The following RPS6KC1 variants were observed in gnomAD, a reference collection of about 807,000 sequenced individuals.
The protein encoded by RPS6KC1 is inactive ribosomal protein S6 kinase delta-1.
In RPS6KC1, 54 loss-of-function variants were observed where a neutral mutation model predicts 103.8. The observed-to-expected ratio is 0.52, with a 90% CI of 0.42 to 0.65. The LOEUF (loss-of-function observed/expected upper bound fraction) is 0.65, where lower values mean the gene tolerates loss of function less well. Ranked by LOEUF, RPS6KC1 falls within the 30% of genes least tolerant of loss-of-function variation. The pLI is 0.00. For missense variants in RPS6KC1, 1,151 were observed against 1,253.8 expected, an observed-to-expected ratio of 0.92 and a Z score of 1.24; for synonymous variants, 439 against 438.7, an observed-to-expected ratio of 1.00 and a Z score of -0.01.
intron 8 of RPS6KC1, chr1:213,205,272 G>A: frequency 1.0e-6 from 1 of 984,850 alleles, no homozygotes. Context: ...GAGATGTTCT[G>A]CTGAAGACAA....
chr1:213,390,672 A>C, the RPS6KC1 span, among the ~76,000 whole-genome samples: 8 of 152,098 alleles, frequency 5.3e-5, no homozygotes, highest in Non-Finnish European at 1.2e-4. Context: ...TGGTGCATCT[A>C]CCCATCTGGT....
At chr1:213,783,733 A>C in the RPS6KC1 span, among the ~76,000 whole-genome samples, 1 of 150,294 alleles carries the variant, frequency 6.7e-6, no homozygotes, top group Non-Finnish European at 1.5e-5. Flanking sequence ...TCCACTTAAT[A>C]ACAGCTTTGA....
chr1:213,389,632 G>A, the RPS6KC1 span, among the ~76,000 whole-genome samples: 1 of 152,204 alleles, frequency 6.6e-6, no homozygotes, highest in Non-Finnish European at 1.5e-5. Context: ...AGGTCCCCAT[G>A]TGCTCTGAGT....
the RPS6KC1 span, among the ~76,000 whole-genome samples, chr1:213,611,796 T>G: frequency 8.5e-5 from 13 of 152,222 alleles, no homozygotes; most frequent in African/African-American, 3.1e-4. Flanking sequence ...AATTTATACT[T>G]GGAGCCATCA....
At chr1:213,401,785 T>C in the RPS6KC1 span, among the ~76,000 whole-genome samples, 1 of 114,194 alleles carries the variant, frequency 8.8e-6, no homozygotes, top group East Asian at 2.0e-4. Context: ...TTTTACTTAC[T>C]TTATTTATTT....
At chr1:213,782,445 A>C in the RPS6KC1 span, among the ~76,000 whole-genome samples, 4 of 152,158 alleles carry the variant, frequency 2.6e-5, no homozygotes. Context: ...GGTAAACACC[A>C]TTCCAGGGAA....
At position 213,242,561 on chromosome 1, in the gene RPS6KC1, G is replaced by GT; in HGVS notation, c.2822-3dup. 6.5e-7 allele frequency: 1 copy of GT among 1,538,986 alleles called. No individual in the cohort carries two copies. Among genetic ancestry groups the GT allele is most frequent in the Non-Finnish European group, 8.9e-7 (1 of 1,118,786 alleles). On this transcript the variant is annotated splice_polypyrimidine_tract_variant and splice_region_variant and intron_variant, in intron 11 of 14. Coordinates refer to ENST00000366960, the MANE Select transcript of RPS6KC1 (RefSeq NM_012424.6). ...ATGTTTTGATTTCTCCTGTCGTTTT[G>GT]TTTTTAGGACACATTCAGCTAACGT...
the RPS6KC1 span, among the ~76,000 whole-genome samples, chr1:213,725,143 C>T: frequency 5.3e-5 from 8 of 152,216 alleles, no homozygotes; most frequent in Non-Finnish European, 8.8e-5. Context: ...CGACTGCCAA[C>T]ATTAAAACAT....
chr1:213,400,525 C>T, the RPS6KC1 span, among the ~76,000 whole-genome samples: 2 of 152,092 alleles, frequency 1.3e-5, no homozygotes, highest in African/African-American at 4.8e-5. Context: ...CTGCCAGACA[C>T]CCCTGTCCCT....
chr1:213,467,286 A>C, the RPS6KC1 span, among the ~76,000 whole-genome samples: 2 of 152,234 alleles, frequency 1.3e-5, no homozygotes, highest in African/African-American at 4.8e-5. Flanking sequence ...TTCATCTTGG[A>C]TGGAAATGTC....
chr1:213,768,176 T>C, the RPS6KC1 span, among the ~76,000 whole-genome samples: 1 of 152,194 alleles, frequency 6.6e-6, no homozygotes, highest in Non-Finnish European at 1.5e-5. Context: ...TTCTATCATT[T>C]GGACTGTGAG....
the RPS6KC1 span, among the ~76,000 whole-genome samples, chr1:213,527,111 A>G: frequency 6.6e-6 from 1 of 152,324 alleles, no homozygotes; most frequent in East Asian, 1.9e-4. Context: ...GAGCAGCTCA[A>G]AACCAAATGA....
intron 8 of RPS6KC1, among the ~76,000 whole-genome samples, chr1:213,210,538 T>A (rs1460529768): frequency 1.3e-5 from 2 of 152,260 alleles, no homozygotes; most frequent in African/African-American, 4.8e-5. Flanking sequence ...CAGAATACTT[T>A]GTTGCAGTCG....
chr1:213,762,043 G>C, the RPS6KC1 span, among the ~76,000 whole-genome samples: 1 of 151,588 alleles, frequency 6.6e-6, no homozygotes, highest in Non-Finnish European at 1.5e-5. Flanking sequence ...GGAAAGGGGA[G>C]GAGGAAAAGA....
At chr1:213,723,246 A>G in the RPS6KC1 span, among the ~76,000 whole-genome samples, 1 of 152,238 alleles carries the variant, frequency 6.6e-6, no homozygotes, top group African/African-American at 2.4e-5. Flanking sequence ...CTTCAAACTA[A>G]TGAAATTCAG....
At chr1:213,491,365 C>T in the RPS6KC1 span, among the ~76,000 whole-genome samples, 15 of 152,154 alleles carry the variant, frequency 9.9e-5, no homozygotes, top group African/African-American at 2.4e-4. Context: ...CTGGCCAACA[C>T]GGTGAAACCC....
intron 6 of RPS6KC1, among the ~76,000 whole-genome samples, chr1:213,149,135 C>T (rs2088269734): frequency 6.6e-6 from 1 of 151,998 alleles, no homozygotes; most frequent in Non-Finnish European, 1.5e-5. Context: ...TTGTTTCACT[C>T]ATCATCTGTA....
the RPS6KC1 span, among the ~76,000 whole-genome samples, chr1:213,608,278 T>G: frequency 6.6e-6 from 1 of 152,162 alleles, no homozygotes; most frequent in African/African-American, 2.4e-5. Flanking sequence ...TTGCACCTGA[T>G]GTGCCCAGGT....
At chr1:213,115,584 G>A (rs1459901860) in intron 4 of RPS6KC1, among the ~76,000 whole-genome samples, 1 of 151,802 alleles carries the variant, frequency 6.6e-6, no homozygotes, top group Non-Finnish European at 1.5e-5. Flanking sequence ...GTTATTTCTT[G>A]CCTTCTACTA....
Sources: allele counts gnomAD v4.1 joint callset (sites outside exome capture counted in the v4.1 genomes callset), GRCh38; gene constraint gnomAD v4.1.1; transcripts MANE v1.5; gene names NCBI Gene and HGNC (gene_info 2026-07-23, HGNC 2026-07-21).